Variants in GFI1 observed in about 807,000 individuals in gnomAD.
GFI1 encodes zinc finger protein Gfi-1.
Under a neutral mutation model 39.2 loss-of-function variants are expected in GFI1, and 15 were observed. The observed-to-expected ratio is 0.38, with a 90% CI of 0.26 to 0.59. GFI1 has a LOEUF of 0.59. Ranked by LOEUF, GFI1 falls within the 20% of genes least tolerant of loss-of-function variation. The pLI is 0.62. For synonymous variants in GFI1, 239 were observed against 254.3 expected, an observed-to-expected ratio of 0.94 and a Z score of 0.57; for missense variants, 475 against 574.0, an observed-to-expected ratio of 0.83 and a Z score of 1.76.
At chr1:92,486,333 A>G (rs1334712970) in intron 1 of GFI1, among the ~76,000 whole-genome samples, 1 of 151,884 alleles carries the variant, frequency 6.6e-6, no homozygotes, top group Non-Finnish European at 1.5e-5. Flanking sequence ...TCGGCAGGGG[A>G]TGGGGGAAAT....
At position 92,473,887 on chromosome 1, in the gene GFI1, G is replaced by A. The variant is rs1244665603; in HGVS notation, c.*2142C>T. Among the ~76,000 whole-genome samples the A allele has an allele frequency of 6.6e-6, 1 of 152,208 alleles. No individual in the cohort carries two copies. The highest frequency in any genetic ancestry group is 2.4e-5 in the African/African-American group (1 of 41,450). On this transcript the variant is annotated 3_prime_UTR_variant, in exon 7 of 7. Transcript: ENST00000294702. ...TTCAACAATGAATAAATAAAGCTTC[G>A]TAAGACATTGTCCTCACTGCTATAT...
intron 5 of GFI1, among the ~76,000 whole-genome samples, chr1:92,479,336 T>C (rs1257723605): frequency 6.6e-6 from 1 of 152,086 alleles, no homozygotes; most frequent in Non-Finnish European, 1.5e-5. Flanking sequence ...CCCCAGCCAG[T>C]GTGGGTGCTG....
intron 1 of GFI1, among the ~76,000 whole-genome samples, chr1:92,486,394 ATTC>A (rs1658528586): frequency 6.6e-6 from 1 of 152,076 alleles, no homozygotes; most frequent in Admixed American, 6.5e-5. Flanking sequence ...AAAATGAACT[ATTC>A]TTGGCTCCAG....
Position 92,480,329 on chromosome 1 carries a change from C to T in GFI1, c.924+19G>A. The T allele has an allele frequency of 1.3e-6, 2 of 1,545,114 alleles. No individual in the cohort carries two copies. ...GATCCCCGAGCAGGGCCGCGCGCGG[C>T]GGTGCGCCCCGCGCTTACCTGCGAG... On this transcript the variant is annotated intron_variant, in intron 5 of 6. Transcript: ENST00000294702. The surrounding 1 kb of genome is among the most constrained non-coding windows in gnomAD (Gnocchi z 5.6).
At chr1:92,476,255 G>C in intron 6 of GFI1, 48 bp from the exon 7 acceptor site, 4 of 1,541,824 alleles carry the variant, frequency 2.6e-6, no homozygotes, top group Non-Finnish European at 3.5e-6. Flanking sequence ...CTATGATAAA[G>C]CTAGAGGGGA....
At position 92,480,556 on chromosome 1, in the gene GFI1, G is replaced by C; in HGVS notation, c.786+45C>G. The C allele has an allele frequency of 6.5e-7, 1 of 1,542,970 alleles. No homozygotes were observed. The highest frequency in any genetic ancestry group is 8.7e-7 in the Non-Finnish European group (1 of 1,145,416). Reference sequence around the variant, plus strand: ...GGGCGCAGGCGAGGCGCGGGTAGGGGAAGCGGGCGCACGGCAGGCGAGGTG... The same window carrying C: ...GGGCGCAGGCGAGGCGCGGGTAGGGCAAGCGGGCGCACGGCAGGCGAGGTG... On this transcript the variant is annotated intron_variant, in intron 4 of 6. Coordinates refer to ENST00000294702, the MANE Select transcript of GFI1 (RefSeq NM_005263.5). The surrounding 1 kb of genome is among the most constrained non-coding windows in gnomAD (Gnocchi z 5.6).
intron 6 of GFI1, among the ~76,000 whole-genome samples, chr1:92,476,923 ATTCT>A (rs1658008016): frequency 6.6e-6 from 1 of 152,324 alleles, no homozygotes; most frequent in East Asian, 1.9e-4. Flanking sequence ...TAATCACATG[ATTCT>A]TTATATACCA....
Position 92,474,661 on chromosome 1 carries a change from C to A in GFI1, c.*1368G>T, listed in dbSNP as rs1047645589. Reference sequence around the variant, plus strand: ...TCTGGATATTAGCTTGTGTGCTTCACTTTTATACTCCATTGCAGTTTCCTT... The same window carrying A: ...TCTGGATATTAGCTTGTGTGCTTCAATTTTATACTCCATTGCAGTTTCCTT... On this transcript the variant is annotated 3_prime_UTR_variant, in exon 7 of 7. Transcript: ENST00000294702. The A allele has an allele frequency of 6.6e-6, 1 of 152,636 alleles. No homozygotes were observed. Among genetic ancestry groups the A allele is most frequent in the African/African-American group, 2.4e-5 (1 of 41,452 alleles). 9.5% of individuals were successfully genotyped at this position (152,636 alleles called of 1,614,324 possible).
intron 1 of GFI1, among the ~76,000 whole-genome samples, chr1:92,485,571 G>T (rs1286908128): frequency 6.6e-6 from 1 of 152,144 alleles, no homozygotes; most frequent in African/African-American, 2.4e-5. Context: ...GAGGAGATAG[G>T]GGCCCCGGGG....
rs1385052744 is a variant in GFI1, at chr1:92,484,943, T to G, written c.-99-1357A>C. 6.6e-6 allele frequency among the ~76,000 whole-genome samples: 1 copy of G among 152,230 alleles called. No individual in the cohort carries two copies. The highest frequency in any genetic ancestry group is 1.5e-5 in the Non-Finnish European group (1 of 68,024). On this transcript the variant is annotated intron_variant, in intron 1 of 6. Coordinates refer to ENST00000294702, the MANE Select transcript of GFI1 (RefSeq NM_005263.5). This position sits in a 1 kb window ranked among gnomAD's most constrained non-coding sequence, Gnocchi z 4.1. ...CTTCGCGCTGTTTCCACTGCCGGAC[T>G]AGGAGCCCCTCGGCTTCCTAGGCAA... is the stretch of plus-strand genomic sequence containing the variant.
rs770564130 is a variant in GFI1 at position 92,476,054 on chromosome 1, C to T, written c.1244G>A (p.Arg415Gln). 4.3e-6 allele frequency: 7 copies of T among 1,614,098 alleles called. No homozygotes were observed. The highest frequency in any genetic ancestry group is 2.2e-5 in the South Asian group (2 of 91,040). Reference sequence around the variant, plus strand: ...TCATTTGAGCCCATGCTGCGTCTCCCGGTGCCTTCGGAGGTCCACCTTCCT... The same window carrying T: ...TCATTTGAGCCCATGCTGCGTCTCCTGGTGCCTTCGGAGGTCCACCTTCCT... ...FQRKVDLRRH[R>Q]ETQHGLK The change falls in exon 7 of 7, where the codon CGG becomes CAG. Residue 415 changes from arginine (R) to glutamine (Q), a missense_variant. This residue lies in a region of GFI1 where 112 missense variants were observed against 202.8 expected (regional missense o/e 0.55). Coordinates refer to ENST00000294702, the MANE Select transcript of GFI1 (RefSeq NM_005263.5).
chr1:92,479,575 G>A (rs555202441), intron 5 of GFI1, among the ~76,000 whole-genome samples: 2 of 152,196 alleles, frequency 1.3e-5, no homozygotes, highest in African/African-American at 2.4e-5. Context: ...GCGGCGGTGG[G>A]GCATGGTGGC....
Position 92,473,973 on chromosome 1 carries a change from A to G in GFI1, c.*2056T>C, listed in dbSNP as rs12072804. ...GTGCTCAATTATATGTGTGAAATCA[A>G]TTTGAGTTGGAAATGGGCAATCTGC... On this transcript the variant is annotated 3_prime_UTR_variant, in exon 7 of 7. Transcript: ENST00000294702. Among the ~76,000 whole-genome samples the G allele has an allele frequency of 0.048, 7,236 of 152,282 alleles. 589 individuals carry two copies. Among genetic ancestry groups the G allele is most frequent in the African/African-American group, 0.16 (6,801 of 41,530 alleles).
In GFI1 at chr1:92,482,955, G is replaced by A. The variant is rs1557671868; in HGVS notation, c.207C>T (p.Ser69=). The A allele has an allele frequency of 1.2e-6, 2 of 1,613,696 alleles. No homozygotes were observed. Among genetic ancestry groups the A allele is most frequent in the Admixed American group, 1.7e-5 (1 of 60,014 alleles). ...SQLTEAPDRA[S]ASPDSCEGSV... ...TGCCTTCGCAGCTGTCTGGGGATGC[G>A]GAGGCTCTGTCTGGGGCTTCGGTCA... is the stretch of plus-strand genomic sequence containing the variant. The change falls in exon 3 of 7, where the codon TCC becomes TCT. Residue 69 remains serine, a synonymous_variant. Transcript: ENST00000294702. The surrounding 1 kb of genome is among the most constrained non-coding windows in gnomAD (Gnocchi z 4.4).
chr1:92,476,603 G>A (rs543222244), intron 6 of GFI1, among the ~76,000 whole-genome samples: 5 of 152,340 alleles, frequency 3.3e-5, no homozygotes, highest in East Asian at 3.9e-4. Flanking sequence ...TCCTAAAACC[G>A]TGTGACTCCG....
In GFI1 at chr1:92,480,975, T is replaced by A; in HGVS notation, c.412A>T (p.Ser138Cys). Residue 138 changes from serine (S) to cysteine (C), a missense_variant, in exon 4 of 7, where the codon AGC becomes TGC. Coordinates refer to ENST00000294702, the MANE Select transcript of GFI1 (RefSeq NM_005263.5). This position sits in a 1 kb window ranked among gnomAD's most constrained non-coding sequence, Gnocchi z 5.6. ...AGSDLRHLVQ[S>C]YRPCGALERG... ...TCCAGGGCCCCACACGGTCGGTAGC[T>A]CTGCACCAGGTGCCGCAGGTCAGAA... is the stretch of plus-strand genomic sequence containing the variant. 1 of 1,603,774 alleles carries A rather than the reference T, an allele frequency of 6.2e-7. No individual in the cohort carries two copies. The highest frequency in any genetic ancestry group is 8.5e-7 in the Non-Finnish European group (1 of 1,175,772).
chr1:92,479,092 C>T (rs1466578939), intron 5 of GFI1, among the ~76,000 whole-genome samples: 1 of 152,216 alleles, frequency 6.6e-6, no homozygotes, highest in African/African-American at 2.4e-5. Flanking sequence ...TCTCAAACAC[C>T]TGGCCTCAAG....
At position 92,481,620 on chromosome 1, in the gene GFI1, C is replaced by G. The variant is rs1038831489; in HGVS notation, c.299-532G>C. Among the ~76,000 whole-genome samples, 53 of 152,186 alleles carry G rather than the reference C, an allele frequency of 3.5e-4. No individual in the cohort carries two copies. The highest frequency in any genetic ancestry group is 1.2e-3 in the African/African-American group (49 of 41,434). On this transcript the variant is annotated intron_variant, in intron 3 of 6. Transcript: ENST00000294702. The surrounding 1 kb of genome is among the most constrained non-coding windows in gnomAD (Gnocchi z 4.3). Reference sequence around the variant, plus strand: ...GAAGGTCCATAAATGCGGCCCCGAACTACCCGAAAGGCTGCTGTCTGAATA... The same window carrying G: ...GAAGGTCCATAAATGCGGCCCCGAAGTACCCGAAAGGCTGCTGTCTGAATA...
rs1657825820 is a variant in GFI1, at chr1:92,473,657, C to G, written c.*2372G>C. On this transcript the variant is annotated 3_prime_UTR_variant, in exon 7 of 7. Transcript: ENST00000294702. The stretch of plus-strand genomic sequence containing the variant: ...AGAGAAAAGCAGCATTCAAGCCCCC[C>G]TTTCCTGCCAACCTGGAGAGAAAGT... Among the ~76,000 whole-genome samples the G allele has an allele frequency of 6.6e-6, 1 of 151,970 alleles. No individual in the cohort carries two copies. Among genetic ancestry groups the G allele is most frequent in the South Asian group, 2.1e-4 (1 of 4,832 alleles).
Sources: allele counts gnomAD v4.1 joint callset (sites outside exome capture counted in the v4.1 genomes callset), GRCh38; gene constraint gnomAD v4.1.1; regional missense constraint gnomAD v4.1.1; non-coding constraint Gnocchi (gnomAD v3.1); transcripts MANE v1.5; gene names NCBI Gene and HGNC (gene_info 2026-07-23, HGNC 2026-07-21).